Variants in EDA observed in about 807,000 individuals in gnomAD.
The protein encoded by EDA is ectodysplasin-A.
In EDA, 2 loss-of-function variants were observed where a neutral mutation model predicts 23.6. The ratio of observed to expected loss-of-function variants is 0.08; its 90% confidence interval spans 0.03 to 0.27. The LOEUF is 0.27. Among genes scored for constraint, EDA ranks in the 10% least tolerant of loss-of-function variants. The pLI is 1.00. For synonymous variants in EDA, 131 were observed against 132.0 expected (o/e 0.99, Z 0.05); for missense variants, 229 against 324.2 (o/e 0.71, Z 2.26).
At chrX:69,855,555 C>T (rs1055045010) in intron 1 of EDA, among the ~76,000 whole-genome samples, 7 of 111,835 alleles carry the variant, frequency 6.3e-5, no homozygotes, top group Non-Finnish European at 1.3e-4. Context: ...TTCCCAGCAC[C>T]ATTTATTGAA....
intron 1 of EDA, among the ~76,000 whole-genome samples, chrX:69,619,507 AC>A (rs1932099130): frequency 8.9e-6 from 1 of 112,373 alleles, no homozygotes; most frequent in Non-Finnish European, 1.9e-5. Flanking sequence ...CAGGTAGGAT[AC>A]AGAGCAGAGA....
At chrX:69,732,862 A>T (rs753241709) in intron 1 of EDA, among the ~76,000 whole-genome samples, 1 of 112,238 alleles carries the variant, frequency 8.9e-6, no homozygotes, top group Non-Finnish European at 1.9e-5. Flanking sequence ...GATAATGAGC[A>T]TTTCTTCATG....
intron 1 of EDA, among the ~76,000 whole-genome samples, chrX:69,685,344 G>C (rs1200695582): frequency 8.9e-6 from 1 of 112,138 alleles, no homozygotes; most frequent in African/African-American, 3.2e-5. Context: ...GTTGCAGTGA[G>C]ATTACAGCAA....
chrX:69,639,485 A>T (rs1932816281), intron 1 of EDA, among the ~76,000 whole-genome samples: 1 of 112,071 alleles, frequency 8.9e-6, no homozygotes, highest in East Asian at 2.8e-4. Flanking sequence ...GTATTTAATT[A>T]TTGTTTTGAT....
Position 70,035,643 on chromosome X carries a change from CCCTGGGTT to C in EDA, c.*35_*42del, listed in dbSNP as rs766135521. 1.7e-6 allele frequency: 2 copies of C among 1,204,636 alleles called. No homozygotes were observed. On this transcript the variant is annotated 3_prime_UTR_variant, in exon 8 of 8. Coordinates refer to ENST00000374552, the MANE Select transcript of EDA (RefSeq NM_001399.5). ...CATTTTGCCTCTGTCCGTGCCCCTT[CCCTGGGTT>C]TGGGAGCCAGGACTCCCAGAACCTC...
intron 1 of EDA, among the ~76,000 whole-genome samples, chrX:69,819,176 T>G (rs749430403): frequency 5.5e-4 from 62 of 112,331 alleles, no homozygotes; most frequent in African/African-American, 2.0e-3. Context: ...TGTCCCTTGA[T>G]GTTAAAAACT....
chrX:69,798,924 G>T (rs1304441296), intron 1 of EDA, among the ~76,000 whole-genome samples: 1 of 111,478 alleles, frequency 9.0e-6, no homozygotes, highest in African/African-American at 3.3e-5. Flanking sequence ...AAAACTGGAA[G>T]AATCACATTA....
At chrX:69,754,335 G>A (rs1483717253) in intron 1 of EDA, among the ~76,000 whole-genome samples, 1 of 111,396 alleles carries the variant, frequency 9.0e-6, no homozygotes, top group African/African-American at 3.3e-5. Flanking sequence ...GCTTAGTTTG[G>A]CTGGGTATGA....
intron 1 of EDA, among the ~76,000 whole-genome samples, chrX:69,789,929 AAGTTGAATCT>A (rs2015350948): frequency 1.8e-5 from 2 of 111,992 alleles, no homozygotes; most frequent in Non-Finnish European, 3.8e-5. Flanking sequence ...TAATGTATTA[AAGTTGAATCT>A]AGCATGAACT....
intron 1 of EDA, among the ~76,000 whole-genome samples, chrX:69,765,700 A>G (rs1468033834): frequency 8.9e-6 from 1 of 112,022 alleles, no homozygotes; most frequent in Non-Finnish European, 1.9e-5. Context: ...CCCAATGATT[A>G]TATATTATAT....
At chrX:69,822,400 C>G (rs185232739) in intron 1 of EDA, among the ~76,000 whole-genome samples, 1 of 111,505 alleles carries the variant, frequency 9.0e-6, no homozygotes, top group East Asian at 2.8e-4. Flanking sequence ...TGTAGTGTGT[C>G]TGGAGGAAGC....
chrX:69,650,860 G>A (rs760681734), intron 1 of EDA, among the ~76,000 whole-genome samples: 8 of 111,167 alleles, frequency 7.2e-5, no homozygotes, highest in African/African-American at 1.6e-4. Context: ...TGAGAGGGGC[G>A]TTGGGAGGGG....
At chrX:70,031,427 T>C (rs976958977) in intron 6 of EDA, among the ~76,000 whole-genome samples, 3 of 111,784 alleles carry the variant, frequency 2.7e-5, no homozygotes, top group Non-Finnish European at 3.8e-5. Context: ...TTTGGAATAA[T>C]GTCCAGTCCC....
chrX:69,677,643 T>G (rs1934151493), intron 1 of EDA, among the ~76,000 whole-genome samples: 1 of 112,800 alleles, frequency 8.9e-6, no homozygotes, highest in African/African-American at 3.2e-5. Context: ...GAAGTGTCTG[T>G]TCATGTCCTT....
At chrX:69,761,263 A>G (rs1271117432) in intron 1 of EDA, among the ~76,000 whole-genome samples, 1 of 111,021 alleles carries the variant, frequency 9.0e-6, no homozygotes, top group Non-Finnish European at 1.9e-5. Context: ...AGGAGGAAAG[A>G]TGTGTTAAAG....
intron 1 of EDA, among the ~76,000 whole-genome samples, chrX:69,633,551 A>G (rs1008307867): frequency 9.0e-6 from 1 of 111,319 alleles, no homozygotes; most frequent in Non-Finnish European, 1.9e-5. Context: ...CCACTAATCT[A>G]CTTTCTGCCG....
At chrX:69,774,712 C>T (rs1367047939) in intron 1 of EDA, among the ~76,000 whole-genome samples, 4 of 111,330 alleles carry the variant, frequency 3.6e-5, no homozygotes, top group African/African-American at 1.3e-4. Flanking sequence ...TAGAGACTTC[C>T]CTGAACTTGC....
chrX:69,748,843 G>A (rs2013709657), intron 1 of EDA, among the ~76,000 whole-genome samples: 1 of 111,934 alleles, frequency 8.9e-6, no homozygotes. Context: ...GCTTAAAACA[G>A]TACCCATGTC....
At chrX:69,804,026 C>T (rs1191388845) in intron 1 of EDA, among the ~76,000 whole-genome samples, 2 of 110,543 alleles carry the variant, frequency 1.8e-5, no homozygotes, top group African/African-American at 6.6e-5. Context: ...TTCCATTGTG[C>T]ATATTATACC....
Sources: allele counts gnomAD v4.1 joint callset (sites outside exome capture counted in the v4.1 genomes callset), GRCh38; gene constraint gnomAD v4.1.1; transcripts MANE v1.5; gene names NCBI Gene and HGNC (gene_info 2026-07-23, HGNC 2026-07-21).